The following RCC2 variants were observed in gnomAD, a reference collection of about 807,000 sequenced individuals.
RCC2 encodes the protein regulator of chromosome condensation 2, also known as protein RCC2.
In RCC2, 19 loss-of-function variants were observed where a neutral mutation model predicts 64.1. The ratio of observed to expected loss-of-function variants is 0.30; its 90% confidence interval spans 0.21 to 0.44. The LOEUF (loss-of-function observed/expected upper bound fraction) is 0.44. Ranked by LOEUF, RCC2 falls within the 20% of genes least tolerant of loss-of-function variation. The pLI, the probability that RCC2 is intolerant of heterozygous loss-of-function variation, is 1.00. For missense variants in RCC2, 508 were observed against 710.4 expected (o/e 0.72, Z 3.24); for synonymous variants, 325 against 279.6 (o/e 1.16, Z -1.62).
chr1:17,426,750 CTTACT>C (rs2075620533), intron 3 of RCC2, among the ~76,000 whole-genome samples: 2 of 137,654 alleles, frequency 1.5e-5, no homozygotes, highest in Admixed American at 1.5e-4. Flanking sequence ...GGGCCAATTT[CTTACT>C]TTTCTTTTTT....
intron 6 of RCC2, among the ~76,000 whole-genome samples, 155 bp downstream of exon 6, chr1:17,422,048 A>G (rs945075786): frequency 2.6e-5 from 4 of 152,164 alleles, no homozygotes; most frequent in Admixed American, 2.0e-4. Flanking sequence ...AAAAACAAAA[A>G]AACAAACAAA....
intron 8 of RCC2, among the ~76,000 whole-genome samples, chr1:17,415,532 G>GA (rs2075473362): frequency 6.6e-6 from 1 of 151,832 alleles, no homozygotes; most frequent in East Asian, 1.9e-4. Flanking sequence ...CCAACATGGT[G>GA]AAACCCCATC....
At chr1:17,412,017 T>A (rs1274599784) in intron 11 of RCC2, 105 bp downstream of exon 11, 2 of 988,280 alleles carry the variant, frequency 2.0e-6, no homozygotes, top group Non-Finnish European at 3.2e-6. Flanking sequence ...GAATCCCAAA[T>A]GTTTTTCTTC....
In RCC2 at chr1:17,413,523, C is replaced by T. The variant is rs3764766; in HGVS notation, c.1207+14G>A. 1 of 1,613,328 alleles carries T rather than the reference C, an allele frequency of 6.2e-7. No individual in the cohort carries two copies. Among genetic ancestry groups the T allele is most frequent in the Non-Finnish European group, 8.5e-7 (1 of 1,179,456 alleles). ...ACCAGAGCACTGATAAGCCAGGGGG[C>T]AGAAATCACTAACCCACTTCACTGA... On this transcript the variant is annotated intron_variant, in intron 9 of 12. Transcript: ENST00000375436.
At chr1:17,420,161 G>C (rs2075540026) in intron 7 of RCC2, among the ~76,000 whole-genome samples, 2 of 152,164 alleles carry the variant, frequency 1.3e-5, no homozygotes, top group South Asian at 4.1e-4. Flanking sequence ...CATCAGGTCG[G>C]AAGACACTCC....
Position 17,431,021 on chromosome 1 carries a change from C to G in RCC2, c.286-1822G>C, listed in dbSNP as rs531110166. On this transcript the variant is annotated intron_variant, in intron 2 of 12. Transcript: ENST00000375436. ...CAATAAAATAACGCCGATGAAAGTT[C>G]CCAACCATGCCAATAAAAATGTATT... is the stretch of plus-strand genomic sequence containing the variant. Among the ~76,000 whole-genome samples the G allele has an allele frequency of 7.6e-4, 116 of 151,650 alleles. 1 individual carries two copies. Among genetic ancestry groups the G allele is most frequent in the African/African-American group, 2.7e-3 (112 of 41,382 alleles).
chr1:17,430,790 G>C (rs140408645), intron 2 of RCC2, among the ~76,000 whole-genome samples: 1 of 151,560 alleles, frequency 6.6e-6, no homozygotes, highest in East Asian at 2.0e-4. Context: ...GTGCAGTGGC[G>C]TGATCTCGGC....
At chr1:17,416,070 A>AC (rs2075480209) in intron 8 of RCC2, among the ~76,000 whole-genome samples, 1 of 46,020 alleles carries the variant, frequency 2.2e-5, no homozygotes, top group African/African-American at 9.5e-5. Flanking sequence ...ACTGTCTCCA[A>AC]AAAAAAAAGG....
chr1:17,425,482 C>CTGTG (rs1489901317), intron 4 of RCC2, 59 bp downstream of exon 4: 9 of 1,488,070 alleles, frequency 6.0e-6, no homozygotes, highest in Non-Finnish European at 6.4e-6. Flanking sequence ...GAAGAACGTG[C>CTGTG]TGTGTGGGGA....
At chr1:17,413,777 G>A in intron 8 of RCC2, 60 bp from the exon 9 acceptor site, 4 of 1,474,192 alleles carry the variant, frequency 2.7e-6, no homozygotes, top group Non-Finnish European at 3.7e-6. Flanking sequence ...AACAAGAGGG[G>A]TCATCGTTTC....
intron 7 of RCC2, among the ~76,000 whole-genome samples, 156 bp downstream of exon 7, chr1:17,420,558 C>A (rs769432846): frequency 6.6e-6 from 1 of 152,174 alleles, no homozygotes; most frequent in Non-Finnish European, 1.5e-5. Flanking sequence ...TGAGGACGCG[C>A]TGTTCTGCTG....
rs1169746669 is a variant in RCC2 at position 17,409,006 on chromosome 1, TTCC to T, written c.*81_*83del. 4 of 1,096,942 alleles carry T rather than the reference TTCC, an allele frequency of 3.6e-6. No homozygotes were observed. Among genetic ancestry groups the T allele is most frequent in the African/African-American group, 3.1e-5 (2 of 64,358 alleles). 68.0% of individuals were successfully genotyped at this position (1,096,942 alleles called of 1,614,324 possible). On this transcript the variant is annotated 3_prime_UTR_variant, in exon 13 of 13. Transcript: ENST00000375436. ...TTCGGTCAACTTTTGCTTTTTTAAA[TTCC>T]TCGTTTGACTTCCCGTCCCAGTGCA...
At chr1:17,439,257 G>A (rs1036395825) in intron 1 of RCC2, among the ~76,000 whole-genome samples, 2 of 150,130 alleles carry the variant, frequency 1.3e-5, no homozygotes, top group Non-Finnish European at 3.0e-5. Flanking sequence ...CGGCCCGGCC[G>A]GTCTCCGATT....
At chr1:17,436,863 G>A (rs2075740323) in intron 2 of RCC2, among the ~76,000 whole-genome samples, 1 of 152,202 alleles carries the variant, frequency 6.6e-6, no homozygotes, top group African/African-American at 2.4e-5. Flanking sequence ...GTCTGGCACA[G>A]CAGACTAGAC....
Position 17,431,095 on chromosome 1 carries a change from C to T in RCC2, c.286-1896G>A, listed in dbSNP as rs535596300. Among the ~76,000 whole-genome samples the T allele has an allele frequency of 1.1e-3, 160 of 150,356 alleles. 1 individual carries two copies. Among genetic ancestry groups the T allele is most frequent in the African/African-American group, 3.7e-3 (150 of 40,958 alleles). Reference sequence around the variant, plus strand: ...CACCTGTAATCCCAGCACTTTGGGACGCTGAGGCAAGCAGATCACGAGGTC... The same window carrying T: ...CACCTGTAATCCCAGCACTTTGGGATGCTGAGGCAAGCAGATCACGAGGTC... On this transcript the variant is annotated intron_variant, in intron 2 of 12. Transcript: ENST00000375436.
chr1:17,437,793 GGCGCCCGGGCGCAGCGGCGGCCACGGA>G (rs1224838779), intron 2 of RCC2, among the ~76,000 whole-genome samples: 3 of 146,034 alleles, frequency 2.1e-5, no homozygotes, highest in Non-Finnish European at 3.0e-5. Context: ...CCCTCCCCGC[GGCGCCCGGGCGCAGCGGCGGCCACGGA>G]CGTGTGGGGC....
chr1:17,429,966 A>G (rs1029856175), intron 2 of RCC2, among the ~76,000 whole-genome samples: 1 of 152,158 alleles, frequency 6.6e-6, no homozygotes, highest in Non-Finnish European at 1.5e-5. Flanking sequence ...GTCAACGAAA[A>G]TCTACGCCAT....
Position 17,416,601 on chromosome 1 carries a change from T to C in RCC2, c.905A>G (p.Glu302Gly). 1 of 1,613,998 alleles carries C rather than the reference T, an allele frequency of 6.2e-7. No individual in the cohort carries two copies. Among genetic ancestry groups the C allele is most frequent in the Non-Finnish European group, 8.5e-7 (1 of 1,180,022 alleles). The change falls in exon 8 of 13, where the codon GAG (glutamate) becomes GGG (glycine). Residue 302 changes from glutamate to glycine, a missense_variant. Physicochemically the swap from Glu to Gly is moderately conservative, Grantham distance 98. This residue lies in a region of RCC2 where 179 missense variants were observed against 322.0 expected (regional missense o/e 0.56). Coordinates refer to ENST00000375436, the MANE Select transcript of RCC2 (RefSeq NM_018715.4). ...GKFIARAQRI[E>G]YDCELVPRRV... ...CCGGGGAACTAGTTCACAGTCGTAC[T>C]CTATCCGCTGTGCCCGGGCGATGAA...
chr1:17,411,653 C>A (rs1039864292), intron 11 of RCC2, among the ~76,000 whole-genome samples: 1 of 151,574 alleles, frequency 6.6e-6, no homozygotes, highest in Non-Finnish European at 1.5e-5. Flanking sequence ...CGGAAGGCCA[C>A]GTGTGTGAAA....
Sources: allele counts gnomAD v4.1 joint callset (sites outside exome capture counted in the v4.1 genomes callset), GRCh38; gene constraint gnomAD v4.1.1; regional missense constraint gnomAD v4.1.1; transcripts MANE v1.5; gene names NCBI Gene and HGNC (gene_info 2026-07-23, HGNC 2026-07-21).